GALNT16: variants seen among roughly 807,000 people sequenced by gnomAD.
GALNT16 encodes polypeptide N-acetylgalactosaminyltransferase 16.
A neutral mutation model predicts 76.1 loss-of-function variants in GALNT16; 40 were observed. The ratio of observed to expected loss-of-function variants is 0.53; its 90% CI spans 0.41 to 0.68. The LOEUF (loss-of-function observed/expected upper bound fraction) is 0.68. Among genes scored for constraint, GALNT16 ranks in the 30% least tolerant of loss-of-function variants. The pLI, the probability that GALNT16 is intolerant of heterozygous loss-of-function variation, is 0.00. For missense variants in GALNT16, 621 were observed against 731.9 expected (o/e 0.85, Z 1.75); for synonymous variants, 276 against 285.2 (o/e 0.97, Z 0.32).
intron 12 of GALNT16, among the ~76,000 whole-genome samples, 165 bp from the exon 13 acceptor site, chr14:69,346,875 G>T (rs568638787): frequency 3.3e-5 from 5 of 152,162 alleles, no homozygotes; most frequent in Non-Finnish European, 7.4e-5. Flanking sequence ...TCTTCCCAGA[G>T]GCCACTCCTG....
Position 69,325,996 on chromosome 14 carries a change from G to T in GALNT16, c.537G>T (p.Lys179Asn), listed in dbSNP as rs375718624. 13 of 1,613,974 alleles carry T rather than the reference G, an allele frequency of 8.1e-6. No homozygotes were observed. Among genetic ancestry groups the T allele is most frequent in the African/African-American group, 2.7e-5 (2 of 74,914 alleles). Residue 179 changes from lysine (K) to asparagine (N), a missense_variant, in exon 5 of 15, where the codon AAG (lysine) becomes AAT (asparagine). Physicochemically the swap from Lys to Asn is moderately conservative, Grantham distance 94. Transcript: ENST00000448469. ...EDCLLLTRIP[K>N]VKCLRNDRRE... ...GTCTACTCCTGACCAGGATCCCCAA[G>T]GTCAAGTGCCTGCGCAATGATCGGC...
intron 1 of GALNT16, among the ~76,000 whole-genome samples, chr14:69,307,314 C>G (rs893593825): frequency 1.5e-4 from 23 of 152,210 alleles, no homozygotes; most frequent in Admixed American, 1.4e-3. Context: ...AGCAAAGCGA[C>G]AGATCACAAA....
chr14:69,328,451 G>A lies in GALNT16; in HGVS notation c.570G>A (p.Gly190=), dbSNP rs12100911. The change falls in exon 6 of 15, where the codon GGG becomes GGA. Residue 190 remains glycine (G), a splice_region_variant and synonymous_variant. Coordinates refer to ENST00000448469, the MANE Select transcript of GALNT16 (RefSeq NM_001168368.2). ...AAGCCCTATCTACTCCTCTTGTAGG[G>A]CTGATCCGGTCCCGAGTGCGTGGGG... is the stretch of plus-strand genomic sequence containing the variant. ...VKCLRNDRRE[G]LIRSRVRGAD... is the part of the protein sequence containing the mutation. 2.0e-3 allele frequency: 3,245 copies of A among 1,613,910 alleles called. 57 individuals are homozygous for A. The African/African-American group carries it at 0.034, about 17-fold the overall frequency.
intron 1 of GALNT16, among the ~76,000 whole-genome samples, chr14:69,296,771 C>T (rs12896514): frequency 0.035 from 3,287 of 94,024 alleles, 46 homozygotes; most frequent in East Asian, 0.11. Context: ...GATAGATAGA[C>T]AGATAGATGA....
chr14:69,260,178 G>A lies in GALNT16; in HGVS notation c.-113G>A, dbSNP rs1240319470. ...CCTCTCTCCTTTTTCTGCTCTGCAG[G>A]ACTGAGCAGCTAGGCGCGAGCGAAA... On this transcript the variant is annotated 5_prime_UTR_variant, in exon 1 of 15. Transcript: ENST00000448469. The A allele has an allele frequency of 4.7e-6, 2 of 426,378 alleles. No individual in the cohort carries two copies. Among genetic ancestry groups the A allele is most frequent in the East Asian group, 6.9e-5 (1 of 14,390 alleles). The allele number at this position is 426,378 out of a possible 1,614,324, so 26.4% of individuals were successfully genotyped here.
the GALNT16 span, among the ~76,000 whole-genome samples, chr14:69,372,722 A>C: frequency 2.6e-5 from 4 of 152,110 alleles, no homozygotes; most frequent in Non-Finnish European, 5.9e-5. Flanking sequence ...GAAAAGATTC[A>C]GAGGGCCTGG....
At chr14:69,299,705 C>A (rs2044822103) in intron 1 of GALNT16, among the ~76,000 whole-genome samples, 1 of 152,198 alleles carries the variant, frequency 6.6e-6, no homozygotes, top group Non-Finnish European at 1.5e-5. Context: ...GGTCTTCCTG[C>A]CTCCCAGAGC....
chr14:69,333,358 G>A lies in GALNT16; in HGVS notation c.864-139G>A. The A allele has an allele frequency of 1.4e-6, 1 of 712,608 alleles. No individual in the cohort carries two copies. The highest frequency in any genetic ancestry group is 1.6e-5 in the South Asian group (1 of 62,942). 44.1% of individuals were successfully genotyped at this position (712,608 alleles called of 1,614,324 possible). ...CCACGGGAACAGATGTGGGGGGCCA[G>A]GGAGCTGGCCAGACATCCTGCCCCA... On this transcript the variant is annotated intron_variant, in intron 8 of 14. Coordinates refer to ENST00000448469, the MANE Select transcript of GALNT16 (RefSeq NM_001168368.2). This position sits in a 1 kb window ranked among gnomAD's most constrained non-coding sequence, Gnocchi z 4.2.
Position 69,324,620 on chromosome 14 carries a change from G to A in GALNT16, c.336-72G>A, listed in dbSNP as rs1052583699. On this transcript the variant is annotated intron_variant, in intron 2 of 14. Coordinates refer to ENST00000448469, the MANE Select transcript of GALNT16 (RefSeq NM_001168368.2). The stretch of plus-strand genomic sequence containing the variant: ...AGAAGTATTCTCAGGCACAAGACTG[G>A]ACAAAGAAAAACATTGACCTGCCCT... 6 of 829,370 alleles carry A rather than the reference G, an allele frequency of 7.2e-6. No individual in the cohort carries two copies. The Admixed American group carries it at 9.2e-5, about 13-fold the overall frequency. 51.4% of individuals were successfully genotyped at this position (829,370 alleles called of 1,614,324 possible).
intron 1 of GALNT16, among the ~76,000 whole-genome samples, chr14:69,285,904 A>G (rs1450383656): frequency 1.3e-5 from 2 of 152,020 alleles, no homozygotes; most frequent in African/African-American, 2.4e-5. Context: ...ACCCCAACCC[A>G]GATCTGCCTC....
chr14:69,308,786 G>T (rs905883028), intron 1 of GALNT16, among the ~76,000 whole-genome samples: 17 of 152,178 alleles, frequency 1.1e-4, no homozygotes, highest in Admixed American at 1.1e-3. Context: ...ACCTAGAAAT[G>T]AAACTTCTGC....
In GALNT16 at chr14:69,339,548, A is replaced by C. The variant is rs777942821; in HGVS notation, c.1116A>C (p.Glu372Asp). 1.2e-6 allele frequency: 2 copies of C among 1,612,362 alleles called. No homozygotes were observed. The highest frequency in any genetic ancestry group is 8.5e-7 in the Non-Finnish European group (1 of 1,178,446). ...TTAGGAATACTAAGCGCACTGCAGA[A>C]GTGTGGATGGATGAATACAAGCAAT... ...TYIRNTKRTA[E>D]VWMDEYKQYY... The change falls in exon 11 of 15, where the codon GAA becomes GAC. Residue 372 changes from glutamate to aspartate, a missense_variant. Glu to Asp is a conservative substitution (Grantham distance 45). Transcript: ENST00000448469.
intron 1 of GALNT16, among the ~76,000 whole-genome samples, chr14:69,265,298 G>T (rs1166847548): frequency 6.6e-6 from 1 of 152,192 alleles, no homozygotes; most frequent in Non-Finnish European, 1.5e-5. Flanking sequence ...CACGGGACTA[G>T]CTTTAGGGTG....
At chr14:69,336,696 T>TTTTA (rs144359032) in intron 9 of GALNT16, among the ~76,000 whole-genome samples, 5,770 of 152,060 alleles carry the variant, frequency 0.038, 131 homozygotes, top group South Asian at 0.054. Context: ...GCTGTATTTA[T>TTTTA]TTTATTTTTT....
chr14:69,269,129 CTTTT>C (rs1566858295), intron 1 of GALNT16, among the ~76,000 whole-genome samples: 2 of 152,004 alleles, frequency 1.3e-5, no homozygotes, highest in Admixed American at 1.3e-4. Context: ...GTTCTTTTTT[CTTTT>C]TTTAAGATTT....
intron 1 of GALNT16, among the ~76,000 whole-genome samples, chr14:69,307,468 AG>A (rs1165888130): frequency 1.3e-5 from 2 of 152,214 alleles, no homozygotes; most frequent in African/African-American, 4.8e-5. Context: ...TTGAGGTGGA[AG>A]AAGACTCAGA....
At chr14:69,271,152 C>T in intron 1 of GALNT16, among the ~76,000 whole-genome samples, 1 of 152,164 alleles carries the variant, frequency 6.6e-6, no homozygotes, top group East Asian at 1.9e-4. Flanking sequence ...TGGCTCATCG[C>T]TGGATGCACC....
intron 1 of GALNT16, among the ~76,000 whole-genome samples, chr14:69,308,066 C>T (rs1320082506): frequency 6.6e-6 from 1 of 152,194 alleles, no homozygotes; most frequent in African/African-American, 2.4e-5. Context: ...CTCCACTTTC[C>T]TCTCCTTCCT....
chr14:69,282,614 CCGTATCTGCTCTAAGTGCAGGCTT>C (rs2044559049), intron 1 of GALNT16, among the ~76,000 whole-genome samples: 2 of 151,450 alleles, frequency 1.3e-5, no homozygotes, highest in African/African-American at 4.8e-5. Flanking sequence ...AGTGCAGGCC[CCGTATCTGCTCTAAGTGCAGGCTT>C]AAGAATTTGT....
Sources: gnomAD v4.1 joint callset for allele counts (sites outside exome capture counted in the v4.1 genomes callset) on GRCh38, gnomAD v4.1.1 for gene constraint, Gnocchi (gnomAD v3.1) non-coding constraint, MANE v1.5 for transcripts, NCBI Gene and HGNC (gene_info 2026-07-23, HGNC 2026-07-21) for gene names.